PPP3CA: variants seen among roughly 807,000 people sequenced by gnomAD.
The protein encoded by PPP3CA is CAM-PRP catalytic subunit.
Under a neutral mutation model 66.5 loss-of-function variants are expected in PPP3CA, and 14 were observed. The ratio of observed to expected loss-of-function variants is 0.21; its 90% CI spans 0.14 to 0.33. PPP3CA has a LOEUF of 0.33. PPP3CA is among the 10% of genes least tolerant of loss of function. PPP3CA has a pLI of 1.00. For missense variants in PPP3CA, 317 were observed against 639.5 expected, an observed-to-expected ratio of 0.50 and a Z score of 5.44; for synonymous variants, 232 against 226.2, an observed-to-expected ratio of 1.03 and a Z score of -0.23.
chr4:101,247,144 GT>G (rs1173869640), intron 1 of PPP3CA, among the ~76,000 whole-genome samples: 2 of 151,374 alleles, frequency 1.3e-5, no homozygotes, highest in Admixed American at 1.3e-4. Context: ...CCTTGTCATC[GT>G]TTTTCTTTTT....
chr4:101,189,197 C>G lies in PPP3CA; in HGVS notation c.259+6719G>C, dbSNP rs1390717718. Among the ~76,000 whole-genome samples the G allele has an allele frequency of 3.3e-5, 5 of 152,184 alleles. No homozygotes were observed. In the East Asian group the frequency reaches 9.6e-4, roughly 29 times the overall value. On this transcript the variant is annotated intron_variant, in intron 2 of 13. Transcript: ENST00000394854. The stretch of plus-strand genomic sequence containing the variant: ...GGTTACACTAACACAAAGAAACACA[C>G]ACATATATAAACACATACTCTAGAG...
At chr4:101,114,312 C>CAT (rs2110267794) in intron 2 of PPP3CA, among the ~76,000 whole-genome samples, 1 of 152,064 alleles carries the variant, frequency 6.6e-6, no homozygotes, top group Admixed American at 6.6e-5. Context: ...TGAAATAAAA[C>CAT]ATAAGTTTAT....
intron 8 of PPP3CA, among the ~76,000 whole-genome samples, chr4:101,068,295 C>T (rs959295941): frequency 4.6e-5 from 7 of 152,122 alleles, no homozygotes; most frequent in African/African-American, 1.7e-4. Context: ...CCTTCCAATT[C>T]TTCCACCCGC....
chr4:101,341,791 C>T (rs183948893), intron 1 of PPP3CA, among the ~76,000 whole-genome samples: 2 of 152,210 alleles, frequency 1.3e-5, no homozygotes, highest in Admixed American at 1.3e-4. Flanking sequence ...CAGAAAGTTG[C>T]TGGAAAAAAA....
intron 6 of PPP3CA, among the ~76,000 whole-genome samples, chr4:101,085,055 A>G (rs999139584): frequency 1.3e-5 from 2 of 152,244 alleles, no homozygotes; most frequent in Non-Finnish European, 1.5e-5. Context: ...ACAAAAACAA[A>G]GAAAAAACCA....
chr4:101,332,135 G>GA (rs1298293628), intron 1 of PPP3CA, among the ~76,000 whole-genome samples: 21 of 152,096 alleles, frequency 1.4e-4, no homozygotes, highest in African/African-American at 4.8e-4. Flanking sequence ...CCAAGCATAG[G>GA]AAACACAGGA....
intron 12 of PPP3CA, among the ~76,000 whole-genome samples, chr4:101,031,981 C>A (rs951844858): frequency 6.6e-6 from 1 of 152,196 alleles, no homozygotes; most frequent in Non-Finnish European, 1.5e-5. Context: ...ACCTATTGTG[C>A]ATGTAGGCAA....
At chr4:101,140,238 A>G (rs890972115) in intron 2 of PPP3CA, among the ~76,000 whole-genome samples, 3 of 152,200 alleles carry the variant, frequency 2.0e-5, no homozygotes, top group Non-Finnish European at 4.4e-5. Flanking sequence ...AACTCATCCT[A>G]TATTTCTCTT....
At chr4:101,139,716 T>C (rs1722742606) in intron 2 of PPP3CA, among the ~76,000 whole-genome samples, 1 of 147,590 alleles carries the variant, frequency 6.8e-6, no homozygotes, top group African/African-American at 2.5e-5. Flanking sequence ...TTTTTTTTTT[T>C]TGTCGTTGTT....
intron 2 of PPP3CA, among the ~76,000 whole-genome samples, chr4:101,159,204 G>C (rs1723421162): frequency 6.6e-6 from 1 of 152,164 alleles, no homozygotes; most frequent in South Asian, 2.1e-4. Flanking sequence ...CCCAAGAAGA[G>C]CTCGTTAGGT....
At chr4:101,194,556 T>C (rs1724723422) in intron 2 of PPP3CA, among the ~76,000 whole-genome samples, 1 of 152,044 alleles carries the variant, frequency 6.6e-6, no homozygotes. Context: ...TTAGAAGCTG[T>C]ATACTATACA....
intron 1 of PPP3CA, among the ~76,000 whole-genome samples, chr4:101,269,022 A>C (rs910838739): frequency 1.5e-4 from 23 of 152,160 alleles, no homozygotes; most frequent in Admixed American, 1.3e-3. Flanking sequence ...TATCATGTCT[A>C]ATTGTACCAA....
intron 3 of PPP3CA, among the ~76,000 whole-genome samples, chr4:101,106,449 GA>G (rs72602418): frequency 0.28 from 1,543 of 5,528 alleles, 504 homozygotes; most frequent in East Asian, 0.56. Context: ...AAGAAAGAAA[GA>G]AAGAGAAAAG....
At chr4:101,300,512 C>T (rs1047866418) in intron 1 of PPP3CA, among the ~76,000 whole-genome samples, 2 of 151,778 alleles carry the variant, frequency 1.3e-5, no homozygotes, top group African/African-American at 4.8e-5. Context: ...CCCTTTTTGC[C>T]AGCCAGGTGT....
intron 2 of PPP3CA, among the ~76,000 whole-genome samples, chr4:101,147,702 C>CTA (rs1723013820): frequency 6.6e-6 from 1 of 151,954 alleles, no homozygotes; most frequent in South Asian, 2.1e-4. Context: ...CATTCTCACT[C>CTA]TATATAAACA....
intron 1 of PPP3CA, among the ~76,000 whole-genome samples, chr4:101,265,716 C>T (rs1727148862): frequency 6.6e-6 from 1 of 152,066 alleles, no homozygotes; most frequent in Non-Finnish European, 1.5e-5. Flanking sequence ...AAAAACCACA[C>T]AAGATAAACA....
At chr4:101,200,134 G>A (rs1165680148) in intron 1 of PPP3CA, among the ~76,000 whole-genome samples, 3 of 152,060 alleles carry the variant, frequency 2.0e-5, no homozygotes, top group African/African-American at 7.2e-5. Flanking sequence ...TAGGATTTCT[G>A]CTTCTCAAAT....
chr4:101,089,240 A>G (rs1319109653), intron 6 of PPP3CA, among the ~76,000 whole-genome samples: 1 of 151,242 alleles, frequency 6.6e-6, no homozygotes, highest in East Asian at 1.9e-4. Flanking sequence ...AAAAATGCCA[A>G]AGCAGAAGAA....
intron 2 of PPP3CA, among the ~76,000 whole-genome samples, chr4:101,121,931 T>C (rs1335269829): frequency 1.3e-5 from 2 of 152,118 alleles, no homozygotes; most frequent in Non-Finnish European, 2.9e-5. Context: ...CTTTTCTCTG[T>C]GGTCCACACA....
Sources: allele counts gnomAD v4.1 joint callset (sites outside exome capture counted in the v4.1 genomes callset), GRCh38; gene constraint gnomAD v4.1.1; transcripts MANE v1.5; gene names NCBI Gene and HGNC (gene_info 2026-07-23, HGNC 2026-07-21).